The following PTPRK variants were observed in gnomAD, a reference collection of about 807,000 sequenced individuals.
PTPRK encodes the protein protein tyrosine phosphatase receptor type K, also known as receptor-type tyrosine-protein phosphatase kappa.
Under a neutral mutation model 178.0 loss-of-function variants are expected in PTPRK, and 75 were observed. The ratio of observed to expected loss-of-function variants is 0.42; its 90% confidence interval spans 0.35 to 0.51. The LOEUF (loss-of-function observed/expected upper bound fraction) is 0.51, where lower values mean the gene tolerates loss of function less well. PTPRK is among the 20% of genes least tolerant of loss of function. The pLI is 0.02. For missense variants in PTPRK, 1,441 were observed against 1,797.8 expected (o/e 0.80, Z 3.59); for synonymous variants, 637 against 620.6 (o/e 1.03, Z -0.39).
At chr6:128,451,084 T>C (rs1228337583) in intron 1 of PTPRK, among the ~76,000 whole-genome samples, 2 of 152,210 alleles carry the variant, frequency 1.3e-5, no homozygotes, top group Admixed American at 6.5e-5. Flanking sequence ...TTTGAGCTCT[T>C]AAGCCAAAAA....
At chr6:128,238,314 C>T (rs1226629499) in intron 5 of PTPRK, 1 of 353,104 alleles carries the variant, frequency 2.8e-6, no homozygotes, top group Non-Finnish European at 5.4e-6. Context: ...TTTTTTAAAA[C>T]CATCATGAAA....
intron 2 of PTPRK, among the ~76,000 whole-genome samples, chr6:128,342,584 T>C (rs914730466): frequency 6.6e-6 from 1 of 151,918 alleles, no homozygotes; most frequent in African/African-American, 2.4e-5. Flanking sequence ...AGGCTCATTA[T>C]GTAGTTATAC....
intron 2 of PTPRK, among the ~76,000 whole-genome samples, chr6:128,359,588 C>G (rs1279052248): frequency 6.6e-6 from 1 of 151,472 alleles, no homozygotes; most frequent in African/African-American, 2.4e-5. Context: ...CCCACCTCTA[C>G]TAAAAATACA....
intron 6 of PTPRK, among the ~76,000 whole-genome samples, chr6:128,198,493 G>A (rs1271012415): frequency 6.6e-6 from 1 of 152,114 alleles, no homozygotes; most frequent in Non-Finnish European, 1.5e-5. Flanking sequence ...GGCTAGGGGA[G>A]GGATAGCATT....
At chr6:128,512,770 T>C (rs1450489515) in intron 1 of PTPRK, among the ~76,000 whole-genome samples, 2 of 152,102 alleles carry the variant, frequency 1.3e-5, no homozygotes, top group Non-Finnish European at 2.9e-5. Context: ...GCACAAAAGA[T>C]AATAAAAAGA....
intron 3 of PTPRK, among the ~76,000 whole-genome samples, chr6:128,290,898 T>C (rs1289490487): frequency 6.6e-6 from 1 of 152,158 alleles, no homozygotes; most frequent in East Asian, 1.9e-4. Context: ...AGGCATTTAA[T>C]ATACTTTATC....
At chr6:128,506,363 C>T (rs867839347) in intron 1 of PTPRK, among the ~76,000 whole-genome samples, 6 of 152,188 alleles carry the variant, frequency 3.9e-5, no homozygotes, top group Middle Eastern at 3.4e-3. Context: ...GAGATTAAAT[C>T]GTTCTAGAAG....
At chr6:128,325,039 A>C (rs773516418) in intron 2 of PTPRK, among the ~76,000 whole-genome samples, 16 of 152,170 alleles carry the variant, frequency 1.1e-4, no homozygotes, top group Non-Finnish European at 1.9e-4. Context: ...GATTTCTAAC[A>C]AGAGTTTAGT....
chr6:128,162,449 GT>G (rs1798836827), intron 7 of PTPRK, among the ~76,000 whole-genome samples: 3 of 151,592 alleles, frequency 2.0e-5, no homozygotes, highest in Non-Finnish European at 4.4e-5. Flanking sequence ...CAGAATGTGG[GT>G]ATAGCTCATG....
At chr6:128,396,981 G>A (rs1050601948) in intron 2 of PTPRK, among the ~76,000 whole-genome samples, 1 of 152,162 alleles carries the variant, frequency 6.6e-6, no homozygotes, top group African/African-American at 2.4e-5. Flanking sequence ...CTGGGTGACA[G>A]AGTGAGACTC....
intron 1 of PTPRK, among the ~76,000 whole-genome samples, chr6:128,497,779 G>GTT (rs34465746): frequency 0.089 from 10,307 of 115,444 alleles, 709 homozygotes; most frequent in African/African-American, 0.2. Flanking sequence ...CAAAAAGGTT[G>GTT]TTTTTTTTTT....
At chr6:128,331,238 C>T (rs181948206) in intron 2 of PTPRK, among the ~76,000 whole-genome samples, 1 of 152,280 alleles carries the variant, frequency 6.6e-6, no homozygotes, top group Admixed American at 6.5e-5. Flanking sequence ...GGACAACTAT[C>T]TATTTGTGTT....
At chr6:128,238,185 C>CAAAAA (rs58051125) in intron 5 of PTPRK, 732 of 205,778 alleles carry the variant, frequency 3.6e-3, no homozygotes, top group South Asian at 4.5e-3. Context: ...TAGCAAACGC[C>CAAAAA]AAAAAAAAAA....
chr6:128,135,632 T>G (rs1480839107), intron 7 of PTPRK, among the ~76,000 whole-genome samples: 1 of 152,152 alleles, frequency 6.6e-6, no homozygotes, highest in African/African-American at 2.4e-5. Context: ...TCACTCTGTT[T>G]TAGAAACAAG....
intron 29 of PTPRK, among the ~76,000 whole-genome samples, chr6:127,971,144 T>C (rs746824148): frequency 3.9e-5 from 6 of 152,196 alleles, no homozygotes; most frequent in Non-Finnish European, 7.3e-5. Context: ...TAAGACAACA[T>C]ATTGGCAATA....
At chr6:128,002,852 T>C (rs1017153086) in intron 15 of PTPRK, among the ~76,000 whole-genome samples, 1 of 151,934 alleles carries the variant, frequency 6.6e-6, no homozygotes, top group South Asian at 2.1e-4. Context: ...GACTTTTACA[T>C]ATAAACTAGT....
At chr6:128,325,977 T>A (rs918028042) in intron 2 of PTPRK, among the ~76,000 whole-genome samples, 1 of 152,118 alleles carries the variant, frequency 6.6e-6, no homozygotes, top group Non-Finnish European at 1.5e-5. Context: ...CACCATGGAA[T>A]ACTGTGCAGC....
At chr6:128,265,339 C>T (rs1350156151) in intron 3 of PTPRK, among the ~76,000 whole-genome samples, 1 of 152,124 alleles carries the variant, frequency 6.6e-6, no homozygotes. Flanking sequence ...TTGAAACTTT[C>T]AATTTAAAGA....
chr6:127,997,488 A>G (rs980475551), intron 16 of PTPRK, among the ~76,000 whole-genome samples: 1 of 152,110 alleles, frequency 6.6e-6, no homozygotes, highest in Non-Finnish European at 1.5e-5. Context: ...TCTTCACAAC[A>G]AGGGACCATA....
Sources: allele counts gnomAD v4.1 joint callset (sites outside exome capture counted in the v4.1 genomes callset), GRCh38; gene constraint gnomAD v4.1.1; transcripts MANE v1.5; gene names NCBI Gene and HGNC (gene_info 2026-07-23, HGNC 2026-07-21).